CRB1: variants seen among roughly 807,000 people sequenced by gnomAD.
The protein encoded by CRB1 is protein crumbs homolog 1.
A neutral mutation model predicts 120.0 loss-of-function variants in CRB1; 83 were observed. The ratio of observed to expected loss-of-function variants is 0.69; its 90% CI spans 0.58 to 0.83. The LOEUF is 0.83. Ranked by LOEUF, CRB1 falls within the 40% of genes least tolerant of loss-of-function variation. The pLI is 0.00. For missense variants in CRB1, 1,699 were observed against 1,687.6 expected (o/e 1.01, Z -0.12); for synonymous variants, 625 against 612.5 (o/e 1.02, Z -0.30).
chr1:197,273,421 T>G (rs1655015757), intron 1 of CRB1, among the ~76,000 whole-genome samples: 1 of 152,154 alleles, frequency 6.6e-6, no homozygotes, highest in African/African-American at 2.4e-5. Flanking sequence ...CCCTGATAAC[T>G]ATAAAGTTAT....
intron 1 of CRB1, 39 bp downstream of exon 1, chr1:197,268,521 T>A (rs750735790): frequency 2.2e-6 from 3 of 1,367,008 alleles, no homozygotes; most frequent in Non-Finnish European, 3.1e-6. Context: ...CCTGGTTTAT[T>A]TCTGGCTTAT....
chr1:197,252,653 C>CACACAT, the CRB1 span, among the ~76,000 whole-genome samples: 939 of 135,092 alleles, frequency 7.0e-3, 11 homozygotes, highest in African/African-American at 0.023. Flanking sequence ...CACACACACA[C>CACACAT]ATATATATAA....
In CRB1 at chr1:197,477,791, C is replaced by T. The variant is rs1262065380; in HGVS notation, c.4133C>T (p.Thr1378Ile). 4.3e-6 allele frequency: 7 copies of T among 1,613,786 alleles called. No individual in the cohort carries two copies. Among genetic ancestry groups the T allele is most frequent in the Non-Finnish European group, 5.9e-6 (7 of 1,179,888 alleles). ...TCCAACAAAAGGGCAACTCAGGGAACCTACAGCCCCAGCCGTCAGGAGAAG... is the reference window on the plus strand; with the variant it reads ...TCCAACAAAAGGGCAACTCAGGGAATCTACAGCCCCAGCCGTCAGGAGAAG... ...VTSNKRATQG[T>I]YSPSRQEKEG... The change falls in exon 12 of 12, where the codon ACC (threonine) becomes ATC (isoleucine). Residue 1378 changes from threonine (T) to isoleucine (I), a missense_variant. By Grantham distance (89) the Thr-to-Ile change is moderately conservative. Transcript: ENST00000367400.
chr1:197,304,111 T>C (rs1657032372), intron 1 of CRB1, among the ~76,000 whole-genome samples: 1 of 152,248 alleles, frequency 6.6e-6, no homozygotes, highest in African/African-American at 2.4e-5. Flanking sequence ...AAGCTATGTA[T>C]TGATATGTGG....
At chr1:197,360,503 A>G (rs1266034163) in intron 5 of CRB1, 2 of 152,212 alleles carry the variant, frequency 1.3e-5, no homozygotes, top group Admixed American at 6.6e-5. Flanking sequence ...TGTTCCATCT[A>G]GTACTTGACT....
chr1:197,273,852 T>G (rs556677568), intron 1 of CRB1, among the ~76,000 whole-genome samples: 1 of 152,036 alleles, frequency 6.6e-6, no homozygotes, highest in Non-Finnish European at 1.5e-5. Context: ...GACCCAATCC[T>G]AGCATAAATC....
intron 3 of CRB1, among the ~76,000 whole-genome samples, chr1:197,346,909 T>A (rs926027356): frequency 6.6e-6 from 1 of 152,302 alleles, no homozygotes; most frequent in South Asian, 2.1e-4. Flanking sequence ...GCTCTCTGTA[T>A]AACAGAGTGC....
At chr1:197,266,546 A>C (rs1347302227), upstream of CRB1, among the ~76,000 whole-genome samples, 4 of 152,102 alleles carry the variant, frequency 2.6e-5, no homozygotes, top group Non-Finnish European at 5.9e-5. Flanking sequence ...AATTCAACGT[A>C]AATATTATAT....
chr1:197,449,255 C>G (rs1052685475), intron 11 of CRB1, among the ~76,000 whole-genome samples: 2 of 152,064 alleles, frequency 1.3e-5, no homozygotes, highest in African/African-American at 2.4e-5. Context: ...TTTCATTTTT[C>G]TGTTTCTTTA....
intron 11 of CRB1, among the ~76,000 whole-genome samples, chr1:197,449,134 G>T (rs1665835232): frequency 6.6e-6 from 1 of 152,094 alleles, no homozygotes; most frequent in Non-Finnish European, 1.5e-5. Flanking sequence ...TTTTCCCTTA[G>T]TTGTAACATC....
chr1:197,235,055 T>C, the CRB1 span, among the ~76,000 whole-genome samples: 1 of 152,224 alleles, frequency 6.6e-6, no homozygotes, highest in African/African-American at 2.4e-5. Flanking sequence ...GGGCATCATC[T>C]TTCAGGAGAT....
At chr1:197,317,776 G>A (rs1051567324) in intron 1 of CRB1, among the ~76,000 whole-genome samples, 7 of 152,230 alleles carry the variant, frequency 4.6e-5, no homozygotes, top group African/African-American at 1.7e-4. Context: ...ATGGTACTGG[G>A]TAAACTGCAT....
At chr1:197,219,535 T>A in the CRB1 span, among the ~76,000 whole-genome samples, 1 of 152,256 alleles carries the variant, frequency 6.6e-6, no homozygotes, top group Admixed American at 6.5e-5. Flanking sequence ...ACTGCTAATA[T>A]AATGACTATT....
At chr1:197,266,018 T>C (rs1654622558), upstream of CRB1, among the ~76,000 whole-genome samples, 1 of 152,210 alleles carries the variant, frequency 6.6e-6, no homozygotes, top group Non-Finnish European at 1.5e-5. Flanking sequence ...CTGAGTCTTA[T>C]TTCCTGACAT....
At chr1:197,388,089 T>C (rs1356456717) in intron 5 of CRB1, among the ~76,000 whole-genome samples, 1 of 152,048 alleles carries the variant, frequency 6.6e-6, no homozygotes, top group African/African-American at 2.4e-5. Flanking sequence ...ATATTCCTCC[T>C]TATGGATTTG....
chr1:197,293,126 C>T (rs1656293499), intron 1 of CRB1, among the ~76,000 whole-genome samples: 1 of 152,120 alleles, frequency 6.6e-6, no homozygotes, highest in African/African-American at 2.4e-5. Context: ...CAAATTGTCC[C>T]TGTTTGCAGA....
intron 2 of CRB1, among the ~76,000 whole-genome samples, chr1:197,330,935 C>T (rs1658816394): frequency 6.6e-6 from 1 of 152,138 alleles, no homozygotes. Context: ...TGGCTCACGC[C>T]TGTAATCCCA....
intron 4 of CRB1, 69 bp downstream of exon 4, chr1:197,347,548 A>G: frequency 1.4e-6 from 2 of 1,467,734 alleles, no homozygotes; most frequent in South Asian, 2.3e-5. Context: ...CTTATAGCAA[A>G]TGAAATGAAA....
rs933066021 is a variant in CRB1 at position 197,390,962 on chromosome 1, TA to T, written c.1172-30030del. Among the ~76,000 whole-genome samples the T allele has an allele frequency of 4.6e-5, 7 of 151,880 alleles. No homozygotes were observed. In the East Asian group the frequency reaches 9.7e-4, roughly 21 times the overall value. ...AGCTTCATATATTTTGTGACAACAT[TA>T]AAAAAAATTCTAAGGATTGCTGAAA... On this transcript the variant is annotated intron_variant, in intron 5 of 11. Transcript: ENST00000367400.
Sources: allele counts gnomAD v4.1 joint callset (sites outside exome capture counted in the v4.1 genomes callset), GRCh38; gene constraint gnomAD v4.1.1; transcripts MANE v1.5; gene names NCBI Gene and HGNC (gene_info 2026-07-23, HGNC 2026-07-21).